The following KDM4C variants were observed in gnomAD, a reference collection of about 807,000 sequenced individuals.
KDM4C encodes lysine-specific demethylase 4C.
In KDM4C, 81 loss-of-function variants were observed where a neutral mutation model predicts 129.3. That is an observed-to-expected ratio of 0.63 (90% CI 0.52 to 0.75). The LOEUF is 0.75. Ranked by LOEUF, KDM4C falls within the 30% of genes least tolerant of loss-of-function variation. The probability of loss-of-function intolerance (pLI) is 0.00; values close to 1 mark genes in which losing one functional copy is unlikely to be tolerated. For synonymous variants in KDM4C, 573 were observed against 456.1 expected, an observed-to-expected ratio of 1.26 and a Z score of -3.26; for missense variants, 1,457 against 1,304.0, an observed-to-expected ratio of 1.12 and a Z score of -1.81.
chr9:7,149,345 G>A (rs958346920), intron 19 of KDM4C, among the ~76,000 whole-genome samples: 4 of 152,246 alleles, frequency 2.6e-5, no homozygotes, highest in Non-Finnish European at 5.9e-5. Flanking sequence ...AGAAGCCAGG[G>A]AGTGGAAGCA....
chr9:6,986,461 C>G lies in KDM4C; in HGVS notation c.1472C>G (p.Ser491Cys), dbSNP rs764472436. ...GAGGCTGATGATTCCATTCCATTGT[C>G]TAGTGGCTATGAGAAGCCCGAGAAA... is the stretch of plus-strand genomic sequence containing the variant. ...SSEADDSIPL[S>C]SGYEKPEKSD... Residue 491 changes from serine (S) to cysteine (C), a missense_variant, in exon 11 of 22, where the codon TCT (serine) becomes TGT (cysteine). Ser to Cys is a moderately radical substitution (Grantham distance 112). Coordinates refer to ENST00000381309, the MANE Select transcript of KDM4C (RefSeq NM_015061.6). 3.1e-6 allele frequency: 5 copies of G among 1,614,122 alleles called. No individual in the cohort carries two copies. Among genetic ancestry groups the G allele is most frequent in the East Asian group, 4.5e-5 (2 of 44,884 alleles).
intron 17 of KDM4C, among the ~76,000 whole-genome samples, chr9:7,069,518 C>T (rs557285994): frequency 6.6e-6 from 1 of 151,980 alleles, no homozygotes; most frequent in Non-Finnish European, 1.5e-5. Flanking sequence ...TTTCTAAAAG[C>T]AAAACAAAAC....
chr9:7,164,684 C>A (rs1844187159), intron 19 of KDM4C, among the ~76,000 whole-genome samples: 1 of 152,184 alleles, frequency 6.6e-6, no homozygotes, highest in African/African-American at 2.4e-5. Flanking sequence ...CGCCATTTGT[C>A]CCCTGCTCCA....
intron 19 of KDM4C, among the ~76,000 whole-genome samples, chr9:7,144,294 A>G (rs538886418): frequency 2.0e-5 from 3 of 152,144 alleles, no homozygotes; most frequent in African/African-American, 7.2e-5. Context: ...TCTGAATACC[A>G]TGAGCTGATA....
At chr9:7,049,288 A>G (rs1587247638) in intron 17 of KDM4C, 88 bp downstream of exon 17, 1 of 580,716 alleles carries the variant, frequency 1.7e-6, no homozygotes. Flanking sequence ...TTCCCAAGGT[A>G]TATTTTCTCC....
At chr9:7,081,698 A>AGTACGATAATTAC (rs1834537682) in intron 17 of KDM4C, among the ~76,000 whole-genome samples, 1 of 152,328 alleles carries the variant, frequency 6.6e-6, no homozygotes, top group African/African-American at 2.4e-5. Context: ...GAAATCTGGA[A>AGTACGATAATTAC]GTACGATAAT....
intron 15 of KDM4C, among the ~76,000 whole-genome samples, chr9:7,032,221 G>A (rs934608849): frequency 4.6e-5 from 7 of 152,316 alleles, no homozygotes; most frequent in African/African-American, 1.2e-4. Flanking sequence ...GGCACATCTC[G>A]TAAGAAGCAA....
Position 6,814,667 on chromosome 9 carries a change from G to A in KDM4C, c.357G>A (p.Leu119=). The A allele has an allele frequency of 6.2e-7, 1 of 1,607,900 alleles. No individual in the cohort carries two copies. The highest frequency in any genetic ancestry group is 1.3e-5 in the African/African-American group (1 of 74,770). The change falls in exon 4 of 22, where the codon TTG becomes TTA. Residue 119 remains leucine (L), a synonymous_variant. Coordinates refer to ENST00000381309, the MANE Select transcript of KDM4C (RefSeq NM_015061.6). ...CAAGATACTTGGATTACGAAGATTT[G>A]GAGCGCAAGTACTGGAAGAACTTAA... is the stretch of plus-strand genomic sequence containing the variant. ...CTPRYLDYED[L]ERKYWKNLTF...
At chr9:6,757,442 G>A (rs951629942), upstream of KDM4C, among the ~76,000 whole-genome samples, 3 of 152,226 alleles carry the variant, frequency 2.0e-5, no homozygotes, top group African/African-American at 7.2e-5. Context: ...GTTGGGACAC[G>A]AAGATACTCT....
intron 1 of KDM4C, among the ~76,000 whole-genome samples, chr9:6,750,619 G>T (rs1255362899): frequency 1.3e-5 from 2 of 152,170 alleles, no homozygotes; most frequent in African/African-American, 4.8e-5. Flanking sequence ...TGATGCTAAA[G>T]TTATGAATAA....
chr9:6,983,434 G>T (rs538385053), intron 9 of KDM4C, among the ~76,000 whole-genome samples: 2 of 152,134 alleles, frequency 1.3e-5, no homozygotes, highest in Non-Finnish European at 2.9e-5. Context: ...GTTGATGTAC[G>T]ATGTTAAATA....
Position 6,846,163 on chromosome 9 carries a change from G to A in KDM4C, c.436-3344G>A, listed in dbSNP as rs554106653. 2.0e-5 allele frequency among the ~76,000 whole-genome samples: 3 copies of A among 152,294 alleles called. No individual in the cohort carries two copies. In the South Asian group the frequency reaches 6.2e-4, roughly 32 times the overall value. On this transcript the variant is annotated intron_variant, in intron 4 of 21. Coordinates refer to ENST00000381309, the MANE Select transcript of KDM4C (RefSeq NM_015061.6). ...GTTGACAATGATGCTGAGAGAAGAG[G>A]ATGATATGTTGTGTTTTGAAAGGAT...
intron 11 of KDM4C, 56 bp from the exon 12 acceptor site, chr9:6,990,360 T>C: frequency 8.7e-7 from 1 of 1,146,356 alleles, no homozygotes; most frequent in Non-Finnish European, 1.3e-6. Context: ...GGTTTTTTTT[T>C]TTTGTAGTTT....
chr9:7,046,724 A>G (rs1829451497), intron 15 of KDM4C, 138 bp from the exon 16 acceptor site: 1 of 683,880 alleles, frequency 1.5e-6, no homozygotes, highest in Non-Finnish European at 2.6e-6. Flanking sequence ...TGAACTTCTC[A>G]GAGATAGACC....
chr9:6,995,812 C>A (rs575148349), intron 12 of KDM4C, among the ~76,000 whole-genome samples: 31 of 152,208 alleles, frequency 2.0e-4, no homozygotes, highest in Admixed American at 6.5e-4. Flanking sequence ...GCTGGGACTA[C>A]AGGCGCCTGC....
At chr9:6,738,523 T>C (rs1366093313) in intron 1 of KDM4C, among the ~76,000 whole-genome samples, 5 of 151,736 alleles carry the variant, frequency 3.3e-5, no homozygotes, top group Non-Finnish European at 5.9e-5. Flanking sequence ...AGTCTCGACC[T>C]CCCAAGGCTC....
chr9:6,940,866 C>T (rs1825812516), intron 8 of KDM4C, among the ~76,000 whole-genome samples: 1 of 151,150 alleles, frequency 6.6e-6, no homozygotes, highest in African/African-American at 2.4e-5. Flanking sequence ...TAATATACAG[C>T]ATCTATAAGA....
At chr9:6,930,093 A>G (rs1431423368) in intron 8 of KDM4C, among the ~76,000 whole-genome samples, 1 of 151,998 alleles carries the variant, frequency 6.6e-6, no homozygotes, top group African/African-American at 2.4e-5. Flanking sequence ...AGAAAGACAC[A>G]CTCCTTGGTG....
rs116355782 is a variant in KDM4C, at chr9:7,010,407, T to G, written c.1787-1291T>G. Among the ~76,000 whole-genome samples the G allele has an allele frequency of 5.7e-3, 865 of 152,350 alleles. 14 individuals carry two copies. Among genetic ancestry groups the G allele is most frequent in the African/African-American group, 0.019 (784 of 41,578 alleles). The stretch of plus-strand genomic sequence containing the variant: ...ATATTTTGAGTTATTTTCAGCCTCA[T>G]TCAGTCCTTCCCATTTTGCCATCAG... On this transcript the variant is annotated intron_variant, in intron 12 of 21. Transcript: ENST00000381309.
Sources: gnomAD v4.1 joint callset for allele counts (sites outside exome capture counted in the v4.1 genomes callset) on GRCh38, gnomAD v4.1.1 for gene constraint, MANE v1.5 for transcripts, NCBI Gene and HGNC (gene_info 2026-07-23, HGNC 2026-07-21) for gene names.